Variants in CDH20 observed in about 807,000 individuals in gnomAD.
CDH20 encodes cadherin 20, also known as cadherin-20.
CDH20 carries 29 observed loss-of-function variants against 74.2 expected under a neutral mutation model. That is an observed-to-expected ratio of 0.39 (90% CI 0.29 to 0.53). CDH20 has a LOEUF of 0.53. Among genes scored for constraint, CDH20 ranks in the 20% least tolerant of loss-of-function variants. The pLI is 0.69. For missense variants in CDH20, 988 were observed against 1,048.3 expected (o/e 0.94, Z 0.79); for synonymous variants, 469 against 405.4 (o/e 1.16, Z -1.88).
intron 1 of CDH20, among the ~76,000 whole-genome samples, chr18:61,428,040 G>T (rs1169837849): frequency 1.3e-5 from 2 of 152,126 alleles, no homozygotes; most frequent in Non-Finnish European, 2.9e-5. Flanking sequence ...CTAGATGGGA[G>T]GATAAAAATA....
intron 10 of CDH20, among the ~76,000 whole-genome samples, chr18:61,548,592 T>A (rs1350430277): frequency 6.6e-6 from 1 of 152,208 alleles, no homozygotes; most frequent in Non-Finnish European, 1.5e-5. Flanking sequence ...TAGCCCAGAT[T>A]ATGCTATGGG....
At chr18:61,454,812 G>T (rs1274450589) in intron 1 of CDH20, among the ~76,000 whole-genome samples, 1 of 152,228 alleles carries the variant, frequency 6.6e-6, no homozygotes, top group African/African-American at 2.4e-5. Flanking sequence ...CAATGCCCCT[G>T]CAGCATAAAA....
intron 1 of CDH20, among the ~76,000 whole-genome samples, chr18:61,466,164 T>A (rs1259718649): frequency 6.6e-6 from 1 of 151,066 alleles, no homozygotes; most frequent in Non-Finnish European, 1.5e-5. Flanking sequence ...ATAGCTTCTT[T>A]TTACTGTGTG....
chr18:61,554,140 A>C (rs576750491), intron 11 of CDH20, 50 bp from the exon 12 acceptor site: 6 of 1,569,468 alleles, frequency 3.8e-6, no homozygotes, highest in Admixed American at 1.7e-5. Flanking sequence ...GTCACCGCAC[A>C]CACAGCCACA....
Position 61,493,847 on chromosome 18 carries a change from T to G in CDH20, c.246+3048T>G, listed in dbSNP as rs1568162876. Among the ~76,000 whole-genome samples the G allele has an allele frequency of 2.0e-5, 3 of 152,242 alleles. No homozygotes were observed. In the South Asian group the frequency reaches 6.2e-4, roughly 31 times the overall value. The stretch of plus-strand genomic sequence containing the variant: ...TTCAGCAATTTTCAGTAATTACTTA[T>G]GTGCACATAAAATTTAGGGCTCTCT... On this transcript the variant is annotated intron_variant, in intron 2 of 11. Transcript: ENST00000262717.
chr18:61,508,622 C>T (rs1396474599), intron 6 of CDH20, among the ~76,000 whole-genome samples: 2 of 151,530 alleles, frequency 1.3e-5, no homozygotes, highest in African/African-American at 4.8e-5. Context: ...AGATTGGAGA[C>T]TATTATTATT....
At chr18:61,376,299 T>C (rs537655443) in intron 1 of CDH20, among the ~76,000 whole-genome samples, 2 of 152,146 alleles carry the variant, frequency 1.3e-5, no homozygotes, top group Non-Finnish European at 2.9e-5. Context: ...TTTTGTTGAA[T>C]TTTTACATGT....
intron 1 of CDH20, among the ~76,000 whole-genome samples, chr18:61,488,982 T>C (rs536723061): frequency 6.6e-6 from 1 of 152,318 alleles, no homozygotes; most frequent in Admixed American, 6.5e-5. Flanking sequence ...TTGTTCTTTA[T>C]TAGCAAACCC....
chr18:61,522,220 G>T (rs1461599100), intron 6 of CDH20, among the ~76,000 whole-genome samples: 1 of 152,192 alleles, frequency 6.6e-6, no homozygotes, highest in Non-Finnish European at 1.5e-5. Context: ...CTATAGCAAA[G>T]TCTCAGGATA....
chr18:61,387,570 G>A (rs187109181), intron 1 of CDH20, among the ~76,000 whole-genome samples: 4 of 152,162 alleles, frequency 2.6e-5, no homozygotes, highest in Non-Finnish European at 5.9e-5. Flanking sequence ...TGATAAGGAC[G>A]CATGTGATTT....
At chr18:61,498,661 C>A (rs1911255268) in intron 2 of CDH20, among the ~76,000 whole-genome samples, 2 of 152,176 alleles carry the variant, frequency 1.3e-5, no homozygotes, top group Non-Finnish European at 2.9e-5. Flanking sequence ...GAGGAAGAAT[C>A]CACGGAGGTC....
At chr18:61,472,145 C>T (rs1352024751) in intron 1 of CDH20, among the ~76,000 whole-genome samples, 1 of 152,088 alleles carries the variant, frequency 6.6e-6, no homozygotes, top group Non-Finnish European at 1.5e-5. Context: ...ACTGCCAGCT[C>T]CCCTTCCTTG....
chr18:61,438,611 C>G (rs551616492), intron 1 of CDH20, among the ~76,000 whole-genome samples: 1 of 152,168 alleles, frequency 6.6e-6, no homozygotes, highest in East Asian at 1.9e-4. Flanking sequence ...AGAACAGATG[C>G]TGGTGAGGCT....
At chr18:61,453,932 A>G (rs939828174) in intron 1 of CDH20, among the ~76,000 whole-genome samples, 1 of 152,180 alleles carries the variant, frequency 6.6e-6, no homozygotes, top group South Asian at 2.1e-4. Flanking sequence ...TCAGCAATGT[A>G]TGAGTAACAT....
rs117024349 is a variant in CDH20 at position 61,414,962 on chromosome 18, G to A, written c.-152-75440G>A. On this transcript the variant is annotated intron_variant, in intron 1 of 11. Coordinates refer to ENST00000262717, the MANE Select transcript of CDH20 (RefSeq NM_031891.4). Reference sequence around the variant, plus strand: ...ATTTCCAAACTGAAATTCCATATCCGTTAAACAATAACTCCCTACAGTAAG... The same window carrying A: ...ATTTCCAAACTGAAATTCCATATCCATTAAACAATAACTCCCTACAGTAAG... Among the ~76,000 whole-genome samples the A allele has an allele frequency of 7.6e-3, 1,152 of 151,912 alleles. 11 individuals are homozygous for A. The highest frequency in any genetic ancestry group is 0.013 in the Non-Finnish European group (864 of 67,948).
At chr18:61,553,935 G>C (rs777526447) in intron 11 of CDH20, among the ~76,000 whole-genome samples, 1 of 152,192 alleles carries the variant, frequency 6.6e-6, no homozygotes, top group Non-Finnish European at 1.5e-5. Context: ...CTGATGGTAA[G>C]CGACTATAGG....
intron 9 of CDH20, among the ~76,000 whole-genome samples, chr18:61,542,899 C>G (rs1913092160): frequency 6.6e-6 from 1 of 152,180 alleles, no homozygotes; most frequent in Non-Finnish European, 1.5e-5. Flanking sequence ...AAGAACTCAA[C>G]TCATCACCAG....
intron 4 of CDH20, among the ~76,000 whole-genome samples, chr18:61,501,819 T>C (rs1911393101): frequency 6.6e-6 from 1 of 151,890 alleles, no homozygotes. Context: ...GGAGGAAAAA[T>C]GCAGGGAGGA....
At chr18:61,413,701 T>C (rs938492089) in intron 1 of CDH20, among the ~76,000 whole-genome samples, 1 of 151,782 alleles carries the variant, frequency 6.6e-6, no homozygotes, top group Non-Finnish European at 1.5e-5. Flanking sequence ...AAGGAACCTA[T>C]TGGTGGAAAT....
Sources: allele counts gnomAD v4.1 joint callset (sites outside exome capture counted in the v4.1 genomes callset), GRCh38; gene constraint gnomAD v4.1.1; transcripts MANE v1.5; gene names NCBI Gene and HGNC (gene_info 2026-07-23, HGNC 2026-07-21).